CADM1: variants seen among roughly 807,000 people sequenced by gnomAD.
CADM1 encodes TSLC-1.
A neutral mutation model predicts 53.1 loss-of-function variants in CADM1; 15 were observed. That is an observed-to-expected ratio of 0.28 (90% CI 0.19 to 0.44). The LOEUF (loss-of-function observed/expected upper bound fraction) is 0.44, where lower values mean the gene tolerates loss of function less well. Ranked by LOEUF, CADM1 falls within the 20% of genes least tolerant of loss-of-function variation. The pLI, the probability that CADM1 is intolerant of heterozygous loss-of-function variation, is 1.00. For missense variants in CADM1, 434 were observed against 611.3 expected (o/e 0.71, Z 3.06); for synonymous variants, 281 against 243.0 (o/e 1.16, Z -1.45).
At chr11:115,480,862 T>C (rs550641757) in intron 1 of CADM1, among the ~76,000 whole-genome samples, 35 of 151,998 alleles carry the variant, frequency 2.3e-4, no homozygotes, top group Admixed American at 5.2e-4. Flanking sequence ...CCACCCTCCT[T>C]CTTAAAGCCT....
At chr11:115,338,079 G>C (rs1258710006) in intron 1 of CADM1, among the ~76,000 whole-genome samples, 1 of 152,108 alleles carries the variant, frequency 6.6e-6, no homozygotes, top group Admixed American at 6.6e-5. Flanking sequence ...TTGAGAGAAA[G>C]TTCACACTTC....
At chr11:115,468,723 C>T (rs557593795) in intron 1 of CADM1, among the ~76,000 whole-genome samples, 7 of 152,218 alleles carry the variant, frequency 4.6e-5, no homozygotes, top group African/African-American at 1.4e-4. Flanking sequence ...CATAAGTCTA[C>T]AGGAAAACCC....
At chr11:115,417,153 T>C (rs1947618390) in intron 1 of CADM1, among the ~76,000 whole-genome samples, 1 of 152,224 alleles carries the variant, frequency 6.6e-6, no homozygotes, top group Non-Finnish European at 1.5e-5. Flanking sequence ...ACTTGAAAAC[T>C]GTCTGGCTGG....
At chr11:115,222,289 A>T (rs1284934145) in intron 5 of CADM1, among the ~76,000 whole-genome samples, 1 of 152,134 alleles carries the variant, frequency 6.6e-6, no homozygotes, top group Non-Finnish European at 1.5e-5. Flanking sequence ...CAATGCAAAG[A>T]TTAACCTGAG....
chr11:115,449,805 G>C (rs1166527652), intron 1 of CADM1, among the ~76,000 whole-genome samples: 2 of 152,110 alleles, frequency 1.3e-5, no homozygotes, highest in African/African-American at 4.8e-5. Flanking sequence ...AAACATTCTA[G>C]AGAGTTCAAC....
At chr11:115,384,011 T>A (rs75680309) in intron 1 of CADM1, among the ~76,000 whole-genome samples, 4,746 of 151,926 alleles carry the variant, frequency 0.031, 214 homozygotes, top group East Asian at 0.13. Flanking sequence ...AATCCCAGGG[T>A]CACTGCCACT....
At chr11:115,403,786 A>G (rs905182548) in intron 1 of CADM1, among the ~76,000 whole-genome samples, 5 of 151,502 alleles carry the variant, frequency 3.3e-5, no homozygotes, top group Admixed American at 3.3e-4. Flanking sequence ...TAGTAGAGAC[A>G]GGGTTTCACC....
At chr11:115,237,398 T>C (rs1204830555) in intron 3 of CADM1, among the ~76,000 whole-genome samples, 1 of 152,188 alleles carries the variant, frequency 6.6e-6, no homozygotes, top group Non-Finnish European at 1.5e-5. Flanking sequence ...AAAACATATA[T>C]GTGAGCATTA....
At chr11:115,503,229 C>T (rs1949770552) in intron 1 of CADM1, among the ~76,000 whole-genome samples, 3 of 152,218 alleles carry the variant, frequency 2.0e-5, no homozygotes, top group African/African-American at 7.2e-5. Context: ...GCAAACACTG[C>T]CCTCTTCTTT....
intron 10 of CADM1, among the ~76,000 whole-genome samples, chr11:115,183,449 G>T (rs1296901070): frequency 6.6e-6 from 1 of 152,190 alleles, no homozygotes; most frequent in Non-Finnish European, 1.5e-5. Flanking sequence ...GATAACTGGA[G>T]AGTGGCTAGT....
At chr11:115,430,056 A>C (rs1220111564) in intron 1 of CADM1, among the ~76,000 whole-genome samples, 3 of 152,164 alleles carry the variant, frequency 2.0e-5, no homozygotes, top group African/African-American at 7.2e-5. Context: ...AAAAAATCAT[A>C]CCAAATAGGG....
At chr11:115,227,353 A>C (rs943684244) in intron 5 of CADM1, among the ~76,000 whole-genome samples, 3 of 152,080 alleles carry the variant, frequency 2.0e-5, no homozygotes, top group African/African-American at 7.2e-5. Context: ...CGCTTGAAAT[A>C]TTTTGCATTT....
At chr11:115,270,464 C>T (rs1344779956) in intron 1 of CADM1, among the ~76,000 whole-genome samples, 3 of 152,134 alleles carry the variant, frequency 2.0e-5, no homozygotes, top group Non-Finnish European at 2.9e-5. Context: ...CTGGGCACCC[C>T]CTCCCCTTTT....
intron 1 of CADM1, among the ~76,000 whole-genome samples, chr11:115,365,924 A>C (rs1186618757): frequency 6.6e-6 from 1 of 152,222 alleles, no homozygotes; most frequent in East Asian, 1.9e-4. Context: ...ACACGGTCAC[A>C]ATTAACACTG....
chr11:115,460,671 A>C (rs1379474654), intron 1 of CADM1, among the ~76,000 whole-genome samples: 1 of 152,082 alleles, frequency 6.6e-6, no homozygotes, highest in Non-Finnish European at 1.5e-5. Context: ...TTCTTTCTCT[A>C]ATGTACCTCT....
intron 1 of CADM1, among the ~76,000 whole-genome samples, chr11:115,413,890 G>A (rs775286033): frequency 5.9e-5 from 9 of 151,918 alleles, no homozygotes; most frequent in Non-Finnish European, 1.2e-4. Context: ...TGATCCACCC[G>A]CCTCGGACTC....
intron 1 of CADM1, among the ~76,000 whole-genome samples, chr11:115,372,594 T>C (rs1224238388): frequency 6.6e-6 from 1 of 152,170 alleles, no homozygotes; most frequent in African/African-American, 2.4e-5. Context: ...TAATATTAAA[T>C]GAATGTAAAA....
chr11:115,245,142 A>T (rs1056355926), intron 1 of CADM1, among the ~76,000 whole-genome samples: 1 of 152,218 alleles, frequency 6.6e-6, no homozygotes, highest in African/African-American at 2.4e-5. Context: ...CAGGGAAGAC[A>T]GTTTGCCCAG....
chr11:115,262,635 G>A (rs528365136), intron 1 of CADM1, among the ~76,000 whole-genome samples: 7 of 152,304 alleles, frequency 4.6e-5, no homozygotes, highest in East Asian at 3.9e-4. Flanking sequence ...CTGCAAAGCC[G>A]TAGTGGATGC....
Sources: allele counts gnomAD v4.1 joint callset (sites outside exome capture counted in the v4.1 genomes callset), GRCh38; gene constraint gnomAD v4.1.1; transcripts MANE v1.5; gene names NCBI Gene and HGNC (gene_info 2026-07-23, HGNC 2026-07-21).